UVRAG: variants seen among roughly 807,000 people sequenced by gnomAD.
The protein encoded by UVRAG is UV radiation resistance associated, also known as UV radiation resistance-associated gene protein.
UVRAG carries 19 observed loss-of-function variants against 78.0 expected under a neutral mutation model. The observed-to-expected ratio is 0.24, with a 90% confidence interval of 0.17 to 0.36. The LOEUF (loss-of-function observed/expected upper bound fraction) is 0.36. Ranked by LOEUF, UVRAG falls within the 10% of genes least tolerant of loss-of-function variation. The pLI, the probability that UVRAG is intolerant of heterozygous loss-of-function variation, is 1.00. For missense variants in UVRAG, 740 were observed against 853.8 expected (o/e 0.87, Z 1.66); for synonymous variants, 323 against 324.6 (o/e 1.00, Z 0.05).
chr11:76,045,357 A>G (rs544070149), intron 12 of UVRAG, among the ~76,000 whole-genome samples: 1 of 152,344 alleles, frequency 6.6e-6, no homozygotes, highest in East Asian at 1.9e-4. Context: ...AGTTCTGTCA[A>G]TGCACATCTT....
chr11:76,086,081 T>C lies in UVRAG; in HGVS notation c.1305+20293T>C, dbSNP rs1391735097. Among the ~76,000 whole-genome samples, 8 of 152,332 alleles carry C rather than the reference T, an allele frequency of 5.3e-5. No individual in the cohort carries two copies. The East Asian group carries it at 1.3e-3, about 26-fold the overall frequency. The stretch of plus-strand genomic sequence containing the variant: ...CTGACTAACTGAAGGGAAAACAACC[T>C]GCTTTAAATAAGTAACACGGGTAAT... On this transcript the variant is annotated intron_variant, in intron 13 of 14. Coordinates refer to ENST00000356136, the MANE Select transcript of UVRAG (RefSeq NM_003369.4).
intron 13 of UVRAG, among the ~76,000 whole-genome samples, chr11:76,084,060 G>A (rs371551670): frequency 6.6e-6 from 1 of 152,196 alleles, no homozygotes; most frequent in South Asian, 2.1e-4. Context: ...AATGTAGAAT[G>A]TAAGTGCTTC....
intron 1 of UVRAG, 42 bp from the exon 2 acceptor site, chr11:75,851,841 G>A: frequency 6.6e-7 from 1 of 1,522,494 alleles, no homozygotes; most frequent in Non-Finnish European, 9.0e-7. Context: ...TTTATAGGAG[G>A]AAAAATCTGA....
chr11:76,140,769 G>T lies in UVRAG; in HGVS notation c.1456G>T (p.Gly486Trp). Residue 486 changes from glycine to tryptophan, a missense_variant, in exon 15 of 15, where the codon GGG becomes TGG. By Grantham distance (184) the Gly-to-Trp change is radical. Coordinates refer to ENST00000356136, the MANE Select transcript of UVRAG (RefSeq NM_003369.4). ...TCCTAAGAGACAAAGCTCCATATTTGGGGGTGCAGATGTAGGCTTCTCTGG... is the reference window on the plus strand; with the variant it reads ...TCCTAAGAGACAAAGCTCCATATTTTGGGGTGCAGATGTAGGCTTCTCTGG... Reference protein sequence around the residue: ...PVPKRQSSIFGGADVGFSGGI... With the variant: ...PVPKRQSSIFWGADVGFSGGI... The T allele has an allele frequency of 6.2e-7, 1 of 1,612,940 alleles. No individual in the cohort carries two copies.
At chr11:76,051,124 T>C (rs1950858434) in intron 12 of UVRAG, among the ~76,000 whole-genome samples, 1 of 152,228 alleles carries the variant, frequency 6.6e-6, no homozygotes, top group African/African-American at 2.4e-5. Flanking sequence ...TATGCACACA[T>C]TGTGAAGTGT....
chr11:75,881,412 G>C (rs1043487403), intron 4 of UVRAG, among the ~76,000 whole-genome samples: 1 of 152,202 alleles, frequency 6.6e-6, no homozygotes, highest in Non-Finnish European at 1.5e-5. Flanking sequence ...CCAGGTTACA[G>C]ACAGGTGATA....
Position 75,880,034 on chromosome 11 carries a change from T to G in UVRAG, c.426T>G (p.Gly142=). The G allele has an allele frequency of 6.2e-7, 1 of 1,614,008 alleles. No individual in the cohort carries two copies. Among genetic ancestry groups the G allele is most frequent in the South Asian group, 1.1e-5 (1 of 91,066 alleles). ...KVCLDGLKYL[G]QQIHARNQNE... is the part of the protein sequence containing the mutation. ...GTTTGGATGGGCTGAAATACTTGGG[T>G]CAGCAGGTAATTTTTAGACTGTAGT... The change falls in exon 4 of 15, where the codon GGT becomes GGG. Residue 142 remains glycine (G), a synonymous_variant. Coordinates refer to ENST00000356136, the MANE Select transcript of UVRAG (RefSeq NM_003369.4).
rs1952741330 is a variant in UVRAG, at chr11:76,142,557, C to T, written c.*1144C>T. On this transcript the variant is annotated 3_prime_UTR_variant, in exon 15 of 15. Transcript: ENST00000356136. The stretch of plus-strand genomic sequence containing the variant: ...TGCTGTTGCTTTATACGTTACGTAC[C>T]CAAGGACATTGCCTCAGGGTTGCAA... 6.6e-6 allele frequency: 1 copy of T among 152,602 alleles called. No homozygotes were observed. The highest frequency in any genetic ancestry group is 6.5e-5 in the Admixed American group (1 of 15,278). The allele number at this position is 152,602 out of a possible 1,614,324, so 9.5% of individuals were successfully genotyped here. A position where few individuals can be genotyped will look rare whatever the true frequency, so the allele number is the denominator to read the frequency against.
At chr11:75,833,399 G>C (rs1039547538) in intron 1 of UVRAG, among the ~76,000 whole-genome samples, 2 of 152,088 alleles carry the variant, frequency 1.3e-5, no homozygotes, top group South Asian at 4.1e-4. Context: ...TGTAGATAAG[G>C]ATATATAATT....
At chr11:76,089,503 T>A (rs117506454) in intron 13 of UVRAG, among the ~76,000 whole-genome samples, 332 of 152,312 alleles carry the variant, frequency 2.2e-3, no homozygotes, top group Middle Eastern at 0.01. Flanking sequence ...AAAGAATGCA[T>A]GACGCGATGC....
At chr11:76,019,461 G>A (rs1294259974) in intron 12 of UVRAG, among the ~76,000 whole-genome samples, 2 of 152,164 alleles carry the variant, frequency 1.3e-5, no homozygotes, top group African/African-American at 4.8e-5. Context: ...TCCACAGTGT[G>A]GGCTTGTTTA....
At chr11:75,824,596 A>G (rs925343738) in intron 1 of UVRAG, among the ~76,000 whole-genome samples, 5 of 151,868 alleles carry the variant, frequency 3.3e-5, no homozygotes, top group Non-Finnish European at 7.4e-5. Flanking sequence ...TAGTTTCCAA[A>G]TGTGTATTTT....
At chr11:75,871,526 C>G (rs537832818) in intron 3 of UVRAG, among the ~76,000 whole-genome samples, 1 of 151,792 alleles carries the variant, frequency 6.6e-6, no homozygotes, top group Non-Finnish European at 1.5e-5. Context: ...TCAAGTGATC[C>G]GCCCACCTTG....
intron 12 of UVRAG, among the ~76,000 whole-genome samples, chr11:76,063,856 C>G (rs1406451704): frequency 6.6e-6 from 1 of 152,018 alleles, no homozygotes; most frequent in African/African-American, 2.4e-5. Context: ...AGGTTTTACC[C>G]TTTAAAATGG....
At chr11:75,951,392 G>T (rs192370647) in intron 6 of UVRAG, among the ~76,000 whole-genome samples, 207 of 149,114 alleles carry the variant, frequency 1.4e-3, no homozygotes, top group African/African-American at 4.9e-3. Context: ...TTGTTTGTTT[G>T]TTTTTTTGAG....
chr11:76,016,709 A>C, intron 11 of UVRAG, 106 bp from the exon 12 acceptor site: 1 of 1,046,734 alleles, frequency 9.6e-7, no homozygotes, highest in Non-Finnish European at 1.3e-6. Flanking sequence ...TTAATATTTT[A>C]TGTACCACAT....
At chr11:75,852,964 A>G (rs73491737) in intron 2 of UVRAG, among the ~76,000 whole-genome samples, 11,771 of 152,156 alleles carry the variant, frequency 0.077, 1,495 homozygotes, top group African/African-American at 0.26. Flanking sequence ...AGGCTAGAGT[A>G]CAGTGGCACA....
chr11:75,987,896 C>A (rs910881742), intron 8 of UVRAG, among the ~76,000 whole-genome samples: 1 of 152,076 alleles, frequency 6.6e-6, no homozygotes, highest in Non-Finnish European at 1.5e-5. Flanking sequence ...TGCCACCATG[C>A]CTGGCTAATT....
chr11:75,891,680 G>T (rs1947215395), intron 5 of UVRAG, among the ~76,000 whole-genome samples: 1 of 152,142 alleles, frequency 6.6e-6, no homozygotes, highest in Non-Finnish European at 1.5e-5. Context: ...GAGCTGGGAG[G>T]ATCAGCAGTT....
Sources: gnomAD v4.1 joint callset for allele counts (sites outside exome capture counted in the v4.1 genomes callset) on GRCh38, gnomAD v4.1.1 for gene constraint, MANE v1.5 for transcripts, NCBI Gene and HGNC (gene_info 2026-07-23, HGNC 2026-07-21) for gene names.